Variants in VEGFD observed in about 807,000 individuals in gnomAD.
The protein encoded by VEGFD is c-fos induced growth factor (vascular endothelial growth factor D).
A neutral mutation model predicts 28.0 loss-of-function variants in VEGFD; 26 were observed. The ratio of observed to expected loss-of-function variants is 0.93; its 90% CI spans 0.68 to 1.29. The LOEUF is 1.29. Among genes scored for constraint, VEGFD ranks in the 50% most tolerant of loss-of-function variants. The pLI, the probability that VEGFD is intolerant of heterozygous loss-of-function variation, is 0.00. For missense variants in VEGFD, 294 were observed against 273.4 expected (o/e 1.08, Z -0.53); for synonymous variants, 93 against 95.5 (o/e 0.97, Z 0.15).
intron 5 of VEGFD, among the ~76,000 whole-genome samples, chrX:15,352,561 G>A (rs1922758137): frequency 9.0e-6 from 1 of 111,645 alleles, no homozygotes; most frequent in African/African-American, 3.3e-5. Flanking sequence ...AATTACTGGC[G>A]TGTTTTCATA....
intron 2 of VEGFD, among the ~76,000 whole-genome samples, chrX:15,358,891 T>C (rs1258285194): frequency 8.9e-6 from 1 of 112,557 alleles, no homozygotes. Flanking sequence ...AAAACAGTAC[T>C]TGCTTTTCTC....
At chrX:15,351,558 T>C in intron 5 of VEGFD, among the ~76,000 whole-genome samples, 1 of 112,001 alleles carries the variant, frequency 8.9e-6, no homozygotes, top group East Asian at 2.8e-4. Context: ...ATGAGTCACA[T>C]GGAGAAAGAA....
chrX:15,347,189 T>C lies in VEGFD; in HGVS notation c.913A>G (p.Lys305Glu), dbSNP rs1457498888. Reference sequence around the variant, plus strand: ...CTGCAGGTGTCTGGGTGAAATAGCTTGTGCTTCTGGCAGCAGGTCTCCAGA... The same window carrying C: ...CTGCAGGTGTCTGGGTGAAATAGCTCGTGCTTCTGGCAGCAGGTCTCCAGA... ...ESLETCCQKH[K>E]LFHPDTCSCE... is the part of the protein sequence containing the mutation. Residue 305 changes from lysine to glutamate, a missense_variant, in exon 6 of 7, where the codon AAG (lysine) becomes GAG (glutamate). Lys to Glu is a moderately conservative substitution (Grantham distance 56, BLOSUM62 1). Coordinates refer to ENST00000297904, the MANE Select transcript of VEGFD (RefSeq NM_004469.5). The C allele has an allele frequency of 8.3e-7, 1 of 1,210,357 alleles. No homozygotes were observed. The highest frequency in any genetic ancestry group is 1.1e-6 in the Non-Finnish European group (1 of 894,763).
At chrX:15,357,342 C>A (rs766834842) in intron 3 of VEGFD, among the ~76,000 whole-genome samples, 2 of 111,489 alleles carry the variant, frequency 1.8e-5, no homozygotes, top group South Asian at 7.6e-4. Context: ...CCCCAGGACG[C>A]TGCCCTCCAT....
chrX:15,363,844 A>G (rs1923079372), intron 1 of VEGFD, among the ~76,000 whole-genome samples: 2 of 112,105 alleles, frequency 1.8e-5, no homozygotes, highest in South Asian at 7.4e-4. Flanking sequence ...GATTGCCTAG[A>G]GCCATCAGAA....
rs773895876 is a variant in VEGFD at position 15,355,135 on chromosome X, A to C, written c.641+15T>G. On this transcript the variant is annotated intron_variant, in intron 4 of 6. Coordinates refer to ENST00000297904, the MANE Select transcript of VEGFD (RefSeq NM_004469.5). Reference sequence around the variant, plus strand: ...AAGCATAATCCAGTATAAAAAAAAAAACAAAAGTGCTTACCGATCTTCTTC... The same window carrying C: ...AAGCATAATCCAGTATAAAAAAAAACACAAAAGTGCTTACCGATCTTCTTC... 5 of 1,157,165 alleles carry C rather than the reference A, an allele frequency of 4.3e-6. No individual in the cohort carries two copies. The Admixed American group carries it at 1.4e-4, about 33-fold the overall frequency.
intron 5 of VEGFD, among the ~76,000 whole-genome samples, chrX:15,350,710 ACTTT>A (rs1311192519): frequency 1.1e-5 from 1 of 87,625 alleles, no homozygotes; most frequent in Non-Finnish European, 2.3e-5. Flanking sequence ...ACAGTAACTT[ACTTT>A]CTTTCTCTTT....
intron 1 of VEGFD, among the ~76,000 whole-genome samples, chrX:15,371,644 A>G (rs1307572330): frequency 8.9e-6 from 1 of 112,026 alleles, no homozygotes; most frequent in Non-Finnish European, 1.9e-5. Flanking sequence ...AAAGGACAGA[A>G]AGTTAGGAGA....
intron 1 of VEGFD, among the ~76,000 whole-genome samples, chrX:15,365,688 T>C (rs1923128835): frequency 8.9e-6 from 1 of 112,200 alleles, no homozygotes; most frequent in African/African-American, 3.2e-5. Flanking sequence ...GCCATTATCA[T>C]TTTCATTATT....
intron 1 of VEGFD, among the ~76,000 whole-genome samples, chrX:15,373,278 A>AG (rs35505249): frequency 8.9e-6 from 1 of 111,802 alleles, no homozygotes; most frequent in Admixed American, 9.5e-5. Context: ...AGAAGGTTTA[A>AG]GGGGGGACCC....
chrX:15,360,577 TC>T (rs1221199465), intron 2 of VEGFD, among the ~76,000 whole-genome samples: 1 of 111,208 alleles, frequency 9.0e-6, no homozygotes, highest in Non-Finnish European at 1.9e-5. Flanking sequence ...AACCTTGTGA[TC>T]CGCCCACCTC....
intron 1 of VEGFD, among the ~76,000 whole-genome samples, chrX:15,369,150 T>C (rs1476864006): frequency 9.0e-6 from 1 of 111,432 alleles, no homozygotes; most frequent in Non-Finnish European, 1.9e-5. Flanking sequence ...GGCAAGATAT[T>C]TGGAAAGGTA....
rs763284174 is a variant in VEGFD, at chrX:15,345,983, G to C, written c.*150C>G. 735 of 634,918 alleles carry C rather than the reference G, an allele frequency of 1.2e-3. 4 individuals are homozygous for C. The African/African-American group carries it at 0.014, about 12-fold the overall frequency. The allele number at this position is 634,918 out of a possible 1,213,427, so 52.3% of individuals were successfully genotyped here. A position where few individuals can be genotyped will look rare whatever the true frequency, so the allele number is the denominator to read the frequency against. On this transcript the variant is annotated 3_prime_UTR_variant, in exon 7 of 7. Coordinates refer to ENST00000297904, the MANE Select transcript of VEGFD (RefSeq NM_004469.5). Reference sequence around the variant, plus strand: ...CCATCAATGAACCAGGGACTCCTTAGCTGGTGTGAATGGAAGGTTGGTCTG... The same window carrying C: ...CCATCAATGAACCAGGGACTCCTTACCTGGTGTGAATGGAAGGTTGGTCTG...
intron 5 of VEGFD, among the ~76,000 whole-genome samples, chrX:15,350,119 T>C (rs1602220503): frequency 9.0e-6 from 1 of 111,237 alleles, no homozygotes; most frequent in African/African-American, 3.3e-5. Flanking sequence ...TTGTCCTTAG[T>C]ATCACATCCA....
chrX:15,376,475 T>A (rs1349782767), intron 1 of VEGFD, among the ~76,000 whole-genome samples: 2 of 112,495 alleles, frequency 1.8e-5, no homozygotes, highest in Admixed American at 1.9e-4. Flanking sequence ...ATTGTGGCAA[T>A]AGCTAACTGC....
intron 1 of VEGFD, among the ~76,000 whole-genome samples, chrX:15,375,000 T>C (rs1271230711): frequency 9.0e-6 from 1 of 111,527 alleles, no homozygotes; most frequent in African/African-American, 3.3e-5. Flanking sequence ...CTTTCTTTCC[T>C]GCCTCTTTCC....
At chrX:15,350,976 C>T (rs1922693593) in intron 5 of VEGFD, among the ~76,000 whole-genome samples, 1 of 101,146 alleles carries the variant, frequency 9.9e-6, no homozygotes, top group African/African-American at 3.6e-5. Context: ...ATTCTCATGC[C>T]TCAGCCTCCT....
chrX:15,372,448 A>AT (rs1222746405), intron 1 of VEGFD, among the ~76,000 whole-genome samples: 1 of 111,621 alleles, frequency 9.0e-6, no homozygotes, highest in African/African-American at 3.3e-5. Context: ...ACAAAAAAAA[A>AT]AATAATAAAG....
In VEGFD at chrX:15,347,189, T is replaced by A. The variant is rs1457498888; in HGVS notation, c.913A>T (p.Lys305Ter). Residue 305 changes from lysine to a stop codon, truncating the protein, a stop_gained, in exon 6 of 7, where the codon AAG (lysine) becomes TAG (stop). Coordinates refer to ENST00000297904, the MANE Select transcript of VEGFD (RefSeq NM_004469.5). LOFTEE classifies it high-confidence loss of function. Reference protein sequence around the residue: ...ESLETCCQKHKLFHPDTCSCE... With the variant: ...ESLETCCQKH ...CTGCAGGTGTCTGGGTGAAATAGCT[T>A]GTGCTTCTGGCAGCAGGTCTCCAGA... 8.3e-7 allele frequency: 1 copy of A among 1,210,358 alleles called. No individual in the cohort carries two copies. The highest frequency in any genetic ancestry group is 2.2e-5 in the Admixed American group (1 of 45,964).
Sources: gnomAD v4.1 joint callset for allele counts (sites outside exome capture counted in the v4.1 genomes callset) on GRCh38, gnomAD v4.1.1 for gene constraint, MANE v1.5 for transcripts, NCBI Gene and HGNC (gene_info 2026-07-23, HGNC 2026-07-21) for gene names.